The following RBBP5 variants were observed in gnomAD, a reference collection of about 807,000 sequenced individuals.
RBBP5 encodes the protein RB binding protein 5, histone lysine methyltransferase complex subunit, also known as retinoblastoma-binding protein 5.
In RBBP5, 5 loss-of-function variants were observed where a neutral mutation model predicts 72.2. The ratio of observed to expected loss-of-function variants is 0.07; its 90% CI spans 0.04 to 0.15. RBBP5 has a LOEUF of 0.15. Ranked by LOEUF, RBBP5 falls within the 10% of genes least tolerant of loss-of-function variation. RBBP5 has a pLI of 1.00. For synonymous variants in RBBP5, 209 were observed against 237.2 expected, an observed-to-expected ratio of 0.88 and a Z score of 1.09; for missense variants, 322 against 652.2, an observed-to-expected ratio of 0.49 and a Z score of 5.51.
intron 3 of RBBP5, among the ~76,000 whole-genome samples, chr1:205,107,594 G>A (rs1452733873): frequency 6.6e-6 from 1 of 152,156 alleles, no homozygotes; most frequent in Non-Finnish European, 1.5e-5. Context: ...GAAGGGTTTA[G>A]AACATCAGGA....
chr1:205,112,195 G>A (rs7525043), intron 3 of RBBP5, among the ~76,000 whole-genome samples: 15,356 of 151,988 alleles, frequency 0.1, 1,427 homozygotes, highest in African/African-American at 0.24. Context: ...GTGTGCACCT[G>A]TAATTCCAGC....
rs905543143 is a variant in RBBP5 at position 205,115,060 on chromosome 1, A to G, written c.46-99T>C. 3 of 1,113,198 alleles carry G rather than the reference A, an allele frequency of 2.7e-6. No individual in the cohort carries two copies. The African/African-American group carries it at 4.8e-5, about 18-fold the overall frequency. 69.0% of individuals were successfully genotyped at this position (1,113,198 alleles called of 1,614,324 possible). A position where few individuals can be genotyped will look rare whatever the true frequency, so the allele number is the denominator to read the frequency against. On this transcript the variant is annotated intron_variant, in intron 2 of 13. Coordinates refer to ENST00000264515, the MANE Select transcript of RBBP5 (RefSeq NM_005057.4). ...ATCACTTGTGATACTTTTATTGAATATAAATTACACTGCATACCAAATAAT... is the reference window on the plus strand; with the variant it reads ...ATCACTTGTGATACTTTTATTGAATGTAAATTACACTGCATACCAAATAAT...
Position 205,121,799 on chromosome 1 carries a change from T to A in RBBP5, c.19+56A>T, listed in dbSNP as rs1656747165. ...CAGCCTGACTCCCCTCCCGCCTGGGTTCCCTCCTTTCCAGTACCCAACGCT... is the reference window on the plus strand; with the variant it reads ...CAGCCTGACTCCCCTCCCGCCTGGGATCCCTCCTTTCCAGTACCCAACGCT... On this transcript the variant is annotated intron_variant, in intron 1 of 13. Transcript: ENST00000264515. 4 of 1,610,892 alleles carry A rather than the reference T, an allele frequency of 2.5e-6. No individual in the cohort carries two copies. In the East Asian group the frequency reaches 8.9e-5, roughly 36 times the overall value.
rs775331777 is a variant in RBBP5 at position 205,105,154 on chromosome 1, C to A, written c.233G>T (p.Gly78Val). ...PVCSLCWSRD[G>V]HKLVSASTDN... ...AGTGGAAGCACTCACGAGTTTATGACCATCTCGGCTCCAGCTGAGGAAAAA... is the reference window on the plus strand; with the variant it reads ...AGTGGAAGCACTCACGAGTTTATGAACATCTCGGCTCCAGCTGAGGAAAAA... Residue 78 changes from glycine (G) to valine (V), a missense_variant, in exon 4 of 14, where the codon GGT becomes GTT. Around this residue, in one of 6 missense-constraint regions of RBBP5, gnomAD observed 161 missense variants for 327.8 expected, o/e 0.49. Transcript: ENST00000264515. The A allele has an allele frequency of 6.2e-7, 1 of 1,611,532 alleles. No homozygotes were observed. Among genetic ancestry groups the A allele is most frequent in the East Asian group, 2.2e-5 (1 of 44,816 alleles).
chr1:205,090,691 C>A (rs183906239), intron 13 of RBBP5, among the ~76,000 whole-genome samples: 191 of 152,198 alleles, frequency 1.3e-3, no homozygotes, highest in South Asian at 7.9e-3. Flanking sequence ...TCAAAATGAC[C>A]AGCTATTATT....
chr1:205,094,072 CAA>C (rs1433579842), intron 13 of RBBP5, among the ~76,000 whole-genome samples: 1 of 152,176 alleles, frequency 6.6e-6, no homozygotes, highest in Non-Finnish European at 1.5e-5. Context: ...ATTTTCTAAA[CAA>C]GAGACCAATT....
chr1:205,104,501 C>T (rs896975498), intron 4 of RBBP5, among the ~76,000 whole-genome samples: 3 of 149,738 alleles, frequency 2.0e-5, no homozygotes, highest in African/African-American at 7.4e-5. Flanking sequence ...CCAGCTAGAG[C>T]GTCGCAGCGA....
intron 3 of RBBP5, among the ~76,000 whole-genome samples, chr1:205,107,406 A>G (rs1473700976): frequency 1.3e-5 from 2 of 152,190 alleles, no homozygotes; most frequent in Non-Finnish European, 2.9e-5. Context: ...GGGGAACAAC[A>G]ATATGAATGA....
Position 205,096,714 on chromosome 1 carries a change from G to A in RBBP5, c.1364C>T (p.Thr455Ile). The A allele has an allele frequency of 6.2e-7, 1 of 1,614,138 alleles. No homozygotes were observed. The highest frequency in any genetic ancestry group is 8.5e-7 in the Non-Finnish European group (1 of 1,180,016). The change falls in exon 12 of 14, where the codon ACC becomes ATC. Residue 455 changes from threonine (T) to isoleucine (I), a missense_variant. Transcript: ENST00000264515. ...TGGTACTCCTTGAAGTTCTATATTG[G>A]TTGTTTTGGGTTTCTTCTTAGGTGG... ...SQPPKKKPKT[T>I]NIELQGVPND...
In RBBP5 at chr1:205,088,307, G is replaced by A. The variant is rs1655207716; in HGVS notation, c.*480C>T. 1 of 156,268 alleles carries A rather than the reference G, an allele frequency of 6.4e-6. No homozygotes were observed. Among genetic ancestry groups the A allele is most frequent in the Non-Finnish European group, 1.4e-5 (1 of 70,538 alleles). The allele number at this position is 156,268 out of a possible 1,614,324, so 9.7% of individuals were successfully genotyped here. ...TGGAAATATAGGAGGTATCTGGGGA[G>A]AGGAGAAGTTTAAAATGAGAGTATC... is the stretch of plus-strand genomic sequence containing the variant. On this transcript the variant is annotated 3_prime_UTR_variant, in exon 14 of 14. Coordinates refer to ENST00000264515, the MANE Select transcript of RBBP5 (RefSeq NM_005057.4).
At chr1:205,121,728 T>A (rs1188660212) in intron 1 of RBBP5, 127 bp downstream of exon 1, 31 of 1,459,594 alleles carry the variant, frequency 2.1e-5, no homozygotes, top group Non-Finnish European at 2.9e-5. Flanking sequence ...CTGCTCCACA[T>A]CAGGTGTGCC....
At position 205,099,161 on chromosome 1, in the gene RBBP5, A is replaced by G; in HGVS notation, c.979-55T>C. On this transcript the variant is annotated intron_variant, in intron 9 of 13. Coordinates refer to ENST00000264515, the MANE Select transcript of RBBP5 (RefSeq NM_005057.4). This position sits in a 1 kb window ranked among gnomAD's most constrained non-coding sequence, Gnocchi z 4.7. The stretch of plus-strand genomic sequence containing the variant: ...ATGTGAAAGCAATAATCTGTAATCT[A>G]CACATTAATGATAAAATGAAAGATG... The G allele has an allele frequency of 1.0e-6, 1 of 995,090 alleles. No homozygotes were observed. 61.6% of individuals were successfully genotyped at this position (995,090 alleles called of 1,614,324 possible).
rs1655640905 is a variant in RBBP5, at chr1:205,096,925, G to T, written c.1167-14C>A. The T allele has an allele frequency of 6.4e-7, 1 of 1,565,254 alleles. No homozygotes were observed. Among genetic ancestry groups the T allele is most frequent in the Non-Finnish European group, 8.6e-7 (1 of 1,157,724 alleles). On this transcript the variant is annotated splice_polypyrimidine_tract_variant and intron_variant, in intron 11 of 13. Transcript: ENST00000264515. ...AGCTCTTCATCACTATTTGGAGCAG[G>T]ATCAGACAAGGGATTGGAAAAAAGA...
At chr1:205,096,060 G>A (rs866656591) in intron 12 of RBBP5, among the ~76,000 whole-genome samples, 9 of 152,228 alleles carry the variant, frequency 5.9e-5, no homozygotes, top group South Asian at 2.1e-4. Context: ...AGGCGTGGTG[G>A]TGCATGCCTG....
chr1:205,094,855 C>T lies in RBBP5; in HGVS notation c.1588+18G>A, dbSNP rs770764183. On this transcript the variant is annotated intron_variant, in intron 13 of 13. Transcript: ENST00000264515. ...AGGCCACGAAGCAAGCCAGACAATG[C>T]TCCCAATGTGTCCTTACCTGTCAAG... is the stretch of plus-strand genomic sequence containing the variant. 5 of 1,599,644 alleles carry T rather than the reference C, an allele frequency of 3.1e-6. No homozygotes were observed. Among genetic ancestry groups the T allele is most frequent in the East Asian group, 2.3e-5 (1 of 44,362 alleles).
At chr1:205,091,114 C>T (rs1439890913) in intron 13 of RBBP5, 1 of 152,338 alleles carries the variant, frequency 6.6e-6, no homozygotes, top group African/African-American at 2.4e-5. Flanking sequence ...TCCAACAGAC[C>T]CAGGTGTGCA....
intron 1 of RBBP5, among the ~76,000 whole-genome samples, chr1:205,116,800 C>T (rs545417850): frequency 1.4e-4 from 22 of 152,244 alleles, no homozygotes; most frequent in Admixed American, 7.8e-4. Flanking sequence ...GGCGACAGAA[C>T]AAGACTCCGT....
intron 11 of RBBP5, 123 bp from the exon 12 acceptor site, chr1:205,097,034 A>C (rs994849589): frequency 2.4e-6 from 2 of 849,306 alleles, no homozygotes; most frequent in African/African-American, 3.4e-5. Flanking sequence ...AACTTTAAGA[A>C]AGCCAAGAAG....
At chr1:205,103,300 AAAAAAT>A (rs1036003393) in intron 5 of RBBP5, among the ~76,000 whole-genome samples, 25 of 152,174 alleles carry the variant, frequency 1.6e-4, no homozygotes, top group Admixed American at 1.5e-3. Flanking sequence ...TGCCACAGTC[AAAAAAT>A]AAAAATAAAA....
Sources: allele counts gnomAD v4.1 joint callset (sites outside exome capture counted in the v4.1 genomes callset), GRCh38; gene constraint gnomAD v4.1.1; regional missense constraint gnomAD v4.1.1; non-coding constraint Gnocchi (gnomAD v3.1); transcripts MANE v1.5; gene names NCBI Gene and HGNC (gene_info 2026-07-23, HGNC 2026-07-21).